The following RYR2 variants were observed in gnomAD, a reference collection of about 807,000 sequenced individuals.
RYR2 encodes the protein ryanodine receptor 2.
In RYR2, 227 loss-of-function variants were observed where a neutral mutation model predicts 601.1. The ratio of observed to expected loss-of-function variants is 0.38; its 90% CI spans 0.34 to 0.42. The LOEUF is 0.42. RYR2 is among the 10% of genes least tolerant of loss of function. The probability of loss-of-function intolerance (pLI) is 1.00; values close to 1 mark genes in which losing one functional copy is unlikely to be tolerated. For synonymous variants in RYR2, 2,223 were observed against 2,175.1 expected (o/e 1.02, Z -0.61); for missense variants, 4,646 against 6,156.5 (o/e 0.75, Z 8.21).
At chr1:237,558,123 A>G (rs1376846395) in intron 27 of RYR2, among the ~76,000 whole-genome samples, 1 of 152,302 alleles carries the variant, frequency 6.6e-6, no homozygotes, top group East Asian at 1.9e-4. Flanking sequence ...AATTCAGAGC[A>G]TGGGTAAAGG....
At chr1:237,452,613 A>G (rs1304383196) in intron 14 of RYR2, among the ~76,000 whole-genome samples, 1 of 149,088 alleles carries the variant, frequency 6.7e-6, no homozygotes, top group Non-Finnish European at 1.5e-5. Flanking sequence ...TAATAAATAT[A>G]TTCTTGAAGT....
At chr1:237,247,177 A>G (rs1686938455) in intron 1 of RYR2, among the ~76,000 whole-genome samples, 1 of 152,178 alleles carries the variant, frequency 6.6e-6, no homozygotes, top group Non-Finnish European at 1.5e-5. Context: ...TAATTTTTCT[A>G]TGAGACTGCT....
At chr1:237,304,985 TA>T (rs1693731970) in intron 2 of RYR2, among the ~76,000 whole-genome samples, 1 of 152,132 alleles carries the variant, frequency 6.6e-6, no homozygotes, top group African/African-American at 2.4e-5. Context: ...ATTGTAGAAA[TA>T]AAAATTAAAA....
At chr1:237,793,381 T>A (rs1407097674) in intron 94 of RYR2, among the ~76,000 whole-genome samples, 1 of 152,198 alleles carries the variant, frequency 6.6e-6, no homozygotes, top group Non-Finnish European at 1.5e-5. Context: ...AACTGACAGA[T>A]TTTTGCTGAT....
intron 25 of RYR2, among the ~76,000 whole-genome samples, chr1:237,547,246 T>A (rs946960968): frequency 7.2e-5 from 11 of 151,998 alleles, no homozygotes; most frequent in Non-Finnish European, 1.6e-4. Context: ...CCTCATGTGA[T>A]CCACCCACGT....
chr1:237,824,670 C>T (rs1662894616), intron 101 of RYR2, among the ~76,000 whole-genome samples: 1 of 152,206 alleles, frequency 6.6e-6, no homozygotes, highest in East Asian at 1.9e-4. Flanking sequence ...TGTTGGAAGT[C>T]CTGGCCAGGG....
At chr1:237,673,042 CATTTGTG>C (rs1685093230) in intron 58 of RYR2, among the ~76,000 whole-genome samples, 1 of 152,186 alleles carries the variant, frequency 6.6e-6, no homozygotes, top group African/African-American at 2.4e-5. Flanking sequence ...GCTAATTCAA[CATTTGTG>C]ATTGTTGCAG....
intron 51 of RYR2, among the ~76,000 whole-genome samples, chr1:237,652,146 C>T (rs1006146044): frequency 6.6e-6 from 1 of 152,112 alleles, no homozygotes; most frequent in African/African-American, 2.4e-5. Context: ...GAGATAAAGA[C>T]GAGGCTTTAA....
At position 237,712,652 on chromosome 1, in the gene RYR2, T is replaced by C. The variant is rs563183250; in HGVS notation, c.10323+815T>C. On this transcript the variant is annotated intron_variant, in intron 71 of 104. Transcript: ENST00000366574. ...GTGTGAATATTTGTGTGCTTATGTG[T>C]ACCAAAGAAACAGACCTCAAAATAA... Among the ~76,000 whole-genome samples, 6 of 152,274 alleles carry C rather than the reference T, an allele frequency of 3.9e-5. No individual in the cohort carries two copies. The South Asian group carries it at 1.2e-3, about 32-fold the overall frequency.
intron 22 of RYR2, among the ~76,000 whole-genome samples, chr1:237,506,143 G>T (rs1294093938): frequency 7.0e-6 from 1 of 142,038 alleles, no homozygotes; most frequent in African/African-American, 2.6e-5. Context: ...ACATCTTTTG[G>T]TTGTCCCCAC....
At chr1:237,815,045 C>T (rs1005485697) in intron 100 of RYR2, among the ~76,000 whole-genome samples, 4 of 141,300 alleles carry the variant, frequency 2.8e-5, no homozygotes, top group Non-Finnish European at 6.0e-5. Context: ...TTCCCTAAAG[C>T]CAATAGAAAC....
rs563595159 is a variant in RYR2, at chr1:237,806,904, A to G, written c.14298+621A>G. 6.6e-5 allele frequency among the ~76,000 whole-genome samples: 10 copies of G among 152,298 alleles called. No individual in the cohort carries two copies. The East Asian group carries it at 1.9e-3, about 29-fold the overall frequency. Reference sequence around the variant, plus strand: ...TTAAGACTTCCCATTATCCTGAAGCATATTGCAGAAGTGTGCACTGATCCG... The same window carrying G: ...TTAAGACTTCCCATTATCCTGAAGCGTATTGCAGAAGTGTGCACTGATCCG... On this transcript the variant is annotated intron_variant, in intron 99 of 104. Coordinates refer to ENST00000366574, the MANE Select transcript of RYR2 (RefSeq NM_001035.3).
intron 80 of RYR2, among the ~76,000 whole-genome samples, chr1:237,753,585 C>G (rs144674275): frequency 9.7e-4 from 147 of 152,286 alleles, no homozygotes; most frequent in African/African-American, 3.4e-3. Context: ...CTTGGTTGCT[C>G]TTGGCAATCA....
At chr1:237,801,742 C>T (rs989226692) in intron 97 of RYR2, 114 bp from the exon 98 acceptor site, 31 of 564,624 alleles carry the variant, frequency 5.5e-5, no homozygotes, top group Non-Finnish European at 9.6e-5. Flanking sequence ...ACTCGTTTCC[C>T]AAGAAGGTGT....
chr1:237,459,694 A>T (rs1202856081), intron 16 of RYR2, among the ~76,000 whole-genome samples: 1 of 152,162 alleles, frequency 6.6e-6, no homozygotes, highest in East Asian at 1.9e-4. Context: ...TCTCAAGCCA[A>T]TCCTCCCTTT....
intron 43 of RYR2, 123 bp from the exon 44 acceptor site, chr1:237,634,766 A>C (rs777081888): frequency 1.5e-6 from 1 of 651,398 alleles, no homozygotes; most frequent in Admixed American, 3.0e-5. Flanking sequence ...ATGTAAATCA[A>C]TGTAGATTAA....
intron 29 of RYR2, among the ~76,000 whole-genome samples, chr1:237,571,386 C>G (rs1284080406): frequency 6.7e-6 from 1 of 149,672 alleles, no homozygotes; most frequent in East Asian, 2.0e-4. Context: ...GCGATCTTGA[C>G]TCACTGCAAC....
intron 1 of RYR2, among the ~76,000 whole-genome samples, chr1:237,173,993 C>T (rs1273582379): frequency 6.6e-6 from 1 of 151,954 alleles, no homozygotes; most frequent in Non-Finnish European, 1.5e-5. Context: ...GGAGGCAGGG[C>T]TTGCAGTGAG....
chr1:237,145,077 G>A (rs1673848015), intron 1 of RYR2, among the ~76,000 whole-genome samples: 1 of 152,076 alleles, frequency 6.6e-6, no homozygotes, highest in Non-Finnish European at 1.5e-5. Context: ...GGGGGGTTGG[G>A]GGAGCTAGGG....
Sources: gnomAD v4.1 joint callset for allele counts (sites outside exome capture counted in the v4.1 genomes callset) on GRCh38, gnomAD v4.1.1 for gene constraint, MANE v1.5 for transcripts, NCBI Gene and HGNC (gene_info 2026-07-23, HGNC 2026-07-21) for gene names.